OR14A16: variants seen among roughly 807,000 people sequenced by gnomAD.
The protein encoded by OR14A16 is olfactory receptor family 14 subfamily A member 16, also known as olfactory receptor 14A16.
For synonymous variants in OR14A16, 135 were observed against 137.6 expected (o/e 0.98, Z 0.13); for missense variants, 341 against 366.5 (o/e 0.93, Z 0.57).
intron 2 of OR14A16, among the ~76,000 whole-genome samples, chr1:247,818,446 T>C (rs1375986721): frequency 6.6e-6 from 1 of 152,220 alleles, no homozygotes; most frequent in Non-Finnish European, 1.5e-5. Context: ...TGCATTTTTA[T>C]TCACTGTTCA....
Position 247,815,614 on chromosome 1 carries a change from C to T in OR14A16, c.116G>A (p.Gly39Glu), listed in dbSNP as rs778780443. Residue 39 changes from glycine to glutamate, a missense_variant, in exon 3 of 3, where the codon GGG (glycine) becomes GAG (glutamate). Coordinates refer to ENST00000641093, the MANE Select transcript of OR14A16 (RefSeq NM_001001966.2). ...FLLIYLCALM[G>E]NVLIIMITTL... ...TGTGATCATGATAATGAGGACATTC[C>T]CCATCAGGGCACACAAATAAATCAA... 10 of 1,612,210 alleles carry T rather than the reference C, an allele frequency of 6.2e-6. No individual in the cohort carries two copies. The highest frequency in any genetic ancestry group is 1.3e-5 in the African/African-American group (1 of 74,834).
At position 247,815,387 on chromosome 1, in the gene OR14A16, C is replaced by A. The variant is rs541969186; in HGVS notation, c.343G>T (p.Val115Leu). ...GCAGTATAGCGGTCAAAGGACATCA[C>A]CGTGAGGAGGAGCAGCTCTGCAGAT... ...SASAELLLLT[V>L]MSFDRYTAIC... Residue 115 changes from valine to leucine, a missense_variant, in exon 3 of 3, where the codon GTG (valine) becomes TTG (leucine). By Grantham distance (32) the Val-to-Leu change is conservative. Coordinates refer to ENST00000641093, the MANE Select transcript of OR14A16 (RefSeq NM_001001966.2). 3.7e-6 allele frequency: 6 copies of A among 1,613,808 alleles called. No homozygotes were observed. Among genetic ancestry groups the A allele is most frequent in the Non-Finnish European group, 5.1e-6 (6 of 1,179,946 alleles).
rs773654431 is a variant in OR14A16, at chr1:247,815,653, G to T, written c.77C>A (p.Ser26Ter). 3 of 1,610,632 alleles carry T rather than the reference G, an allele frequency of 1.9e-6. No individual in the cohort carries two copies. The East Asian group carries it at 6.7e-5, about 36-fold the overall frequency. Reference sequence around the variant, plus strand: ...CAAATAAATCAACAAGAAGAGAATCGAATGCAAAATGCACATATTTTTATT... The same window carrying T: ...CAAATAAATCAACAAGAAGAGAATCTAATGCAAAATGCACATATTTTTATT... ...STNKNMCILH[S>*]ILFLLIYLCA... is the part of the protein sequence containing the mutation. Residue 26 changes from serine (S) to a stop codon, truncating the protein, a stop_gained, in exon 3 of 3, where the codon TCG becomes TAG. Coordinates refer to ENST00000641093, the MANE Select transcript of OR14A16 (RefSeq NM_001001966.2). LOFTEE classifies it low-confidence loss of function (END_TRUNC).
chr1:247,820,700 C>CAAAA lies in OR14A16; in HGVS notation c.-130-1524_-130-1523insTTTT, dbSNP rs759163419. ...ATCTCTACTAAATACAAAAAAAAAC[C>CAAAA]CCAAAAACAATTACCCAAGCGTGGT... On this transcript the variant is annotated intron_variant, in intron 1 of 2. Coordinates refer to ENST00000641093, the MANE Select transcript of OR14A16 (RefSeq NM_001001966.2). Among the ~76,000 whole-genome samples the CAAAA allele has an allele frequency of 1.5e-3, 201 of 137,468 alleles. 1 individual carries two copies. Among genetic ancestry groups the CAAAA allele is most frequent in the Middle Eastern group, 3.6e-3 (1 of 278 alleles). 90.2% of individuals were successfully genotyped at this position (137,468 alleles called of 152,430 possible). A position where few individuals can be genotyped will look rare whatever the true frequency, so the allele number is the denominator to read the frequency against.
At chr1:247,819,620 T>C (rs1198336535) in intron 1 of OR14A16, among the ~76,000 whole-genome samples, 2 of 152,156 alleles carry the variant, frequency 1.3e-5, no homozygotes, top group African/African-American at 2.4e-5. Context: ...TGAATGTAGA[T>C]AGTGAAATAA....
In OR14A16 at chr1:247,815,505, C is replaced by A. The variant is rs757667932; in HGVS notation, c.225G>T (p.Thr75=). The stretch of plus-strand genomic sequence containing the variant: ...AAGAATTGGCGATAGATTTGGGAGC[C>A]GTGACTGAAATAAGGCAGAGATCCA... ...SFLDLCLISV[T]APKSIANSLI... Residue 75 remains threonine, a synonymous_variant, in exon 3 of 3, where the codon ACG becomes ACT. Coordinates refer to ENST00000641093, the MANE Select transcript of OR14A16 (RefSeq NM_001001966.2). The A allele has an allele frequency of 3.7e-6, 6 of 1,613,722 alleles. No homozygotes were observed. In the African/African-American group the frequency reaches 5.3e-5, roughly 14 times the overall value.
In OR14A16 at chr1:247,815,511, T is replaced by TCC. The variant is rs765917147; in HGVS notation, c.218_219insGG (p.Val74GlufsTer12). 1.2e-4 allele frequency: 188 copies of TCC among 1,613,810 alleles called. No homozygotes were observed. The highest frequency in any genetic ancestry group is 1.5e-4 in the Non-Finnish European group (177 of 1,179,838). On this transcript the variant is annotated frameshift_variant, in exon 3 of 3. Coordinates refer to ENST00000641093, the MANE Select transcript of OR14A16 (RefSeq NM_001001966.2). LOFTEE classifies it low-confidence loss of function (END_TRUNC). ...TGGCGATAGATTTGGGAGCCGTGACTGAAATAAGGCAGAGATCCAAGAAAG... is the reference window on the plus strand; with the variant it reads ...TGGCGATAGATTTGGGAGCCGTGACTCCGAAATAAGGCAGAGATCCAAGAAAG...
chr1:247,815,175 A>T lies in OR14A16; in HGVS notation c.555T>A (p.Ile185=), dbSNP rs1179442065. The change falls in exon 3 of 3, where the codon ATT becomes ATA. Residue 185 remains isoleucine, a synonymous_variant. Coordinates refer to ENST00000641093, the MANE Select transcript of OR14A16 (RefSeq NM_001001966.2). Reference sequence around the variant, plus strand: ...CTCTTATTAAATTTTCTGAGCAAGAAATAGCTAATAACTGGGGAATGTCAC... The same window carrying T: ...CTCTTATTAAATTTTCTGAGCAAGATATAGCTAATAACTGGGGAATGTCAC... ...FFCDIPQLLA[I]SCSENLIREI... The T allele has an allele frequency of 6.2e-7, 1 of 1,613,876 alleles. No homozygotes were observed. The highest frequency in any genetic ancestry group is 2.2e-5 in the East Asian group (1 of 44,886).
rs764923003 is a variant in OR14A16, at chr1:247,815,248, G to T, written c.482C>A (p.Thr161Asn). 3 of 1,605,076 alleles carry T rather than the reference G, an allele frequency of 1.9e-6. No individual in the cohort carries two copies. The African/African-American group carries it at 4.0e-5, about 21-fold the overall frequency. ...GLIAVMHTAGTFSLSYCGSNM... is the reference protein window; with the variant it reads ...GLIAVMHTAGNFSLSYCGSNM... The stretch of plus-strand genomic sequence containing the variant: ...GGACCCACAGTAGGATAAGGAGAAG[G>T]TGCCAGCTGTGTGCATCACAGCAAT... The change falls in exon 3 of 3, where the codon ACC becomes AAC. Residue 161 changes from threonine to asparagine, a missense_variant. Physicochemically the swap from Thr to Asn is moderately conservative, Grantham distance 65. Coordinates refer to ENST00000641093, the MANE Select transcript of OR14A16 (RefSeq NM_001001966.2).
chr1:247,817,530 G>A (rs1018641268), intron 2 of OR14A16, among the ~76,000 whole-genome samples: 6 of 152,080 alleles, frequency 3.9e-5, no homozygotes, highest in Non-Finnish European at 7.4e-5. Flanking sequence ...AAAAGCATAT[G>A]ATTACTAAGA....
At chr1:247,823,606 C>T (rs932747238) in intron 1 of OR14A16, among the ~76,000 whole-genome samples, 2 of 152,012 alleles carry the variant, frequency 1.3e-5, no homozygotes, top group African/African-American at 4.8e-5. Context: ...AGCATGCATA[C>T]AGAAAATAAA....
chr1:247,822,331 G>A lies in OR14A16; in HGVS notation c.-131+1622C>T, dbSNP rs1196797606. On this transcript the variant is annotated intron_variant, in intron 1 of 2. Coordinates refer to ENST00000641093, the MANE Select transcript of OR14A16 (RefSeq NM_001001966.2). Reference sequence around the variant, plus strand: ...GTGTGTGGCGGGGGGGGAGGGTGGGGATGCTGGCGAAAACTAACAGTAGGC... The same window carrying A: ...GTGTGTGGCGGGGGGGGAGGGTGGGAATGCTGGCGAAAACTAACAGTAGGC... Among the ~76,000 whole-genome samples, 10 of 128,456 alleles carry A rather than the reference G, an allele frequency of 7.8e-5. No individual in the cohort carries two copies. The East Asian group carries it at 3.2e-3, about 41-fold the overall frequency. 84.3% of individuals were successfully genotyped at this position (128,456 alleles called of 152,430 possible).
intron 1 of OR14A16, among the ~76,000 whole-genome samples, chr1:247,820,217 C>A (rs1423636062): frequency 6.6e-6 from 1 of 152,124 alleles, no homozygotes; most frequent in African/African-American, 2.4e-5. Flanking sequence ...GATTCAGTAT[C>A]AGAGTAATAC....
chr1:247,822,975 A>G (rs1662768040), intron 1 of OR14A16, among the ~76,000 whole-genome samples: 1 of 152,216 alleles, frequency 6.6e-6, no homozygotes, highest in South Asian at 2.1e-4. Flanking sequence ...TGAATTTTGT[A>G]AAATAAAATT....
intron 1 of OR14A16, among the ~76,000 whole-genome samples, chr1:247,821,027 A>C (rs574612263): frequency 8.5e-5 from 13 of 152,180 alleles, no homozygotes; most frequent in Non-Finnish European, 1.6e-4. Flanking sequence ...TTGAACCATT[A>C]GTTGTTTATA....
At position 247,815,623 on chromosome 1, in the gene OR14A16, G is replaced by A. The variant is rs771871126; in HGVS notation, c.107C>T (p.Ala36Val). 6.2e-7 allele frequency: 1 copy of A among 1,611,144 alleles called. No homozygotes were observed. The highest frequency in any genetic ancestry group is 8.5e-7 in the Non-Finnish European group (1 of 1,177,376). ...GATAATGAGGACATTCCCCATCAGG[G>A]CACACAAATAAATCAACAAGAAGAG... ...SILFLLIYLCALMGNVLIIMI... is the reference protein window; with the variant it reads ...SILFLLIYLCVLMGNVLIIMI... Residue 36 changes from alanine to valine, a missense_variant, in exon 3 of 3, where the codon GCC becomes GTC. Coordinates refer to ENST00000641093, the MANE Select transcript of OR14A16 (RefSeq NM_001001966.2).
At position 247,815,510 on chromosome 1, in the gene OR14A16, C is replaced by T; in HGVS notation, c.220G>A (p.Val74Ile). Residue 74 changes from valine to isoleucine, a missense_variant, in exon 3 of 3, where the codon GTC becomes ATC. Coordinates refer to ENST00000641093, the MANE Select transcript of OR14A16 (RefSeq NM_001001966.2). ...TTGGCGATAGATTTGGGAGCCGTGA[C>T]TGAAATAAGGCAGAGATCCAAGAAA... The part of the protein sequence containing the change: ...LSFLDLCLIS[V>I]TAPKSIANSL... The T allele has an allele frequency of 6.2e-7, 1 of 1,613,996 alleles. No individual in the cohort carries two copies. The highest frequency in any genetic ancestry group is 8.5e-7 in the Non-Finnish European group (1 of 1,179,912).
chr1:247,816,464 C>T (rs1166652507), intron 2 of OR14A16, among the ~76,000 whole-genome samples: 2 of 152,294 alleles, frequency 1.3e-5, no homozygotes, highest in East Asian at 1.9e-4. Context: ...CGGTGGCTCA[C>T]GCCTGTAATC....
chr1:247,823,014 T>G (rs1392016190), intron 1 of OR14A16, among the ~76,000 whole-genome samples: 1 of 152,208 alleles, frequency 6.6e-6, no homozygotes, highest in African/African-American at 2.4e-5. Flanking sequence ...AATGTCTGTA[T>G]TCTCTAAAGG....
Sources: gnomAD v4.1 joint callset for allele counts (sites outside exome capture counted in the v4.1 genomes callset) on GRCh38, gnomAD v4.1.1 for gene constraint, MANE v1.5 for transcripts, NCBI Gene and HGNC (gene_info 2026-07-23, HGNC 2026-07-21) for gene names.